Variants in SNX10 observed in about 807,000 individuals in gnomAD.
SNX10 encodes the protein sorting nexin-10.
SNX10 carries 25 observed loss-of-function variants against 28.5 expected under a neutral mutation model. That is an observed-to-expected ratio of 0.88 (90% CI 0.64 to 1.22). The LOEUF is 1.22. SNX10 is among the 50% of genes most tolerant of loss of function. SNX10 has a pLI of 0.00. For missense variants in SNX10, 223 were observed against 242.6 expected, an observed-to-expected ratio of 0.92 and a Z score of 0.54; for synonymous variants, 62 against 81.4, an observed-to-expected ratio of 0.76 and a Z score of 1.28.
intron 2 of SNX10, among the ~76,000 whole-genome samples, chr7:26,359,789 C>G (rs1480725345): frequency 1.3e-5 from 2 of 152,022 alleles, no homozygotes; most frequent in African/African-American, 2.4e-5. Context: ...TCACAAGTAG[C>G]TGGGACTACA....
chr7:26,344,430 A>G (rs1788302027), intron 1 of SNX10, among the ~76,000 whole-genome samples: 1 of 146,856 alleles, frequency 6.8e-6, no homozygotes, highest in African/African-American at 2.6e-5. Context: ...TGGCCTCCCA[A>G]AGTGCTAGGA....
At chr7:26,357,078 A>C in intron 2 of SNX10, 1 of 1,223,082 alleles carries the variant, frequency 8.2e-7, no homozygotes, top group South Asian at 1.4e-5. Context: ...CTTACAAGAC[A>C]GCCTAAGCTG....
chr7:26,359,354 C>T (rs1788973777), intron 2 of SNX10, among the ~76,000 whole-genome samples: 1 of 152,100 alleles, frequency 6.6e-6, no homozygotes, highest in Non-Finnish European at 1.5e-5. Flanking sequence ...TAATTATCTG[C>T]ATGATTCAAT....
intron 1 of SNX10, among the ~76,000 whole-genome samples, chr7:26,328,362 G>A (rs1787586887): frequency 1.3e-5 from 2 of 152,160 alleles, no homozygotes; most frequent in African/African-American, 4.8e-5. Context: ...TGGATGGGCA[G>A]GGAGAAGGTA....
At chr7:26,325,495 G>T (rs568142531) in intron 1 of SNX10, among the ~76,000 whole-genome samples, 2 of 149,640 alleles carry the variant, frequency 1.3e-5, no homozygotes, top group East Asian at 3.9e-4. Flanking sequence ...TATATTTTTG[G>T]TTGTGACGGG....
chr7:26,351,801 T>C (rs989783342), intron 2 of SNX10, among the ~76,000 whole-genome samples: 2 of 151,722 alleles, frequency 1.3e-5, no homozygotes, highest in South Asian at 4.2e-4. Flanking sequence ...GGACTACAGG[T>C]GCCTGCCACC....
intron 1 of SNX10, among the ~76,000 whole-genome samples, chr7:26,318,324 T>G (rs1165462242): frequency 6.6e-6 from 1 of 152,224 alleles, no homozygotes; most frequent in Non-Finnish European, 1.5e-5. Context: ...TTTGTCTCTC[T>G]GGTCTGTGAA....
At chr7:26,294,035 T>G (rs1441755407) in intron 1 of SNX10, among the ~76,000 whole-genome samples, 1 of 152,198 alleles carries the variant, frequency 6.6e-6, no homozygotes, top group Non-Finnish European at 1.5e-5. Flanking sequence ...CCGTTTTTAG[T>G]GACAGGGCTG....
Position 26,321,585 on chromosome 7 carries a change from G to C in SNX10, c.-23-24835G>C, listed in dbSNP as rs764340033. 3.3e-5 allele frequency among the ~76,000 whole-genome samples: 5 copies of C among 152,110 alleles called. No homozygotes were observed. In the South Asian group the frequency reaches 6.2e-4, roughly 19 times the overall value. ...GCCTTGGCCACGTGTTCCTTTCCAG[G>C]TCAGGTGCACTGCAGACTCTGGATG... On this transcript the variant is annotated intron_variant, in intron 1 of 6. Transcript: ENST00000338523.
intron 1 of SNX10, among the ~76,000 whole-genome samples, chr7:26,304,386 C>T (rs1465451991): frequency 1.3e-5 from 2 of 152,206 alleles, no homozygotes; most frequent in African/African-American, 2.4e-5. Flanking sequence ...AGCTTCTGAT[C>T]GAGTCTCTCT....
At chr7:26,304,514 G>T (rs1584092483) in intron 1 of SNX10, among the ~76,000 whole-genome samples, 1 of 152,200 alleles carries the variant, frequency 6.6e-6, no homozygotes, top group East Asian at 1.9e-4. Flanking sequence ...GCTGAGTCTG[G>T]TGGCAGGGCC....
chr7:26,293,167 A>G (rs1785990257), intron 1 of SNX10: 1 of 152,188 alleles, frequency 6.6e-6, no homozygotes. Flanking sequence ...AGGTAGGTAC[A>G]TAGCTGGACC....
At chr7:26,349,899 C>T (rs1264438255) in intron 2 of SNX10, among the ~76,000 whole-genome samples, 1 of 152,254 alleles carries the variant, frequency 6.6e-6, no homozygotes, top group Non-Finnish European at 1.5e-5. Flanking sequence ...TTTGCTCCAG[C>T]TGCACACAGT....
At chr7:26,340,434 C>G (rs1788135805) in intron 1 of SNX10, among the ~76,000 whole-genome samples, 1 of 152,202 alleles carries the variant, frequency 6.6e-6, no homozygotes, top group African/African-American at 2.4e-5. Context: ...CTATCTGACC[C>G]TCTACAGAAA....
At chr7:26,345,524 G>A (rs997068676) in intron 1 of SNX10, among the ~76,000 whole-genome samples, 4 of 152,114 alleles carry the variant, frequency 2.6e-5, no homozygotes, top group Admixed American at 2.0e-4. Flanking sequence ...GGGGTCTCTC[G>A]TCTGCACCTC....
intron 2 of SNX10, among the ~76,000 whole-genome samples, chr7:26,347,734 C>T (rs1490191868): frequency 1.3e-5 from 2 of 152,090 alleles, no homozygotes; most frequent in African/African-American, 4.8e-5. Flanking sequence ...TCTGTAGTTC[C>T]AGCTACTTGG....
intron 1 of SNX10, among the ~76,000 whole-genome samples, chr7:26,314,233 C>A (rs1786971346): frequency 6.6e-6 from 1 of 151,348 alleles, no homozygotes; most frequent in Admixed American, 6.6e-5. Context: ...GTAGTCCATT[C>A]TTGTAAAGGA....
In SNX10 at chr7:26,372,663, C is replaced by A; in HGVS notation, c.*91C>A. On this transcript the variant is annotated 3_prime_UTR_variant, in exon 7 of 7. Coordinates refer to ENST00000338523, the MANE Select transcript of SNX10 (RefSeq NM_013322.3). ...CATAATAATACATTCTTACCTAAAG[C>A]TCACTGTCATGATGTTAGGTATTTA... 2 of 793,648 alleles carry A rather than the reference C, an allele frequency of 2.5e-6. No individual in the cohort carries two copies. Among genetic ancestry groups the A allele is most frequent in the Non-Finnish European group, 4.4e-6 (2 of 451,564 alleles). The allele number at this position is 793,648 out of a possible 1,614,324, so 49.2% of individuals were successfully genotyped here. A position where few individuals can be genotyped will look rare whatever the true frequency, so the allele number is the denominator to read the frequency against.
chr7:26,358,634 G>T (rs1392479379), intron 2 of SNX10, among the ~76,000 whole-genome samples: 1 of 151,896 alleles, frequency 6.6e-6, no homozygotes, highest in Non-Finnish European at 1.5e-5. Context: ...GCTACTGGGG[G>T]CGGGGTTGGC....
Sources: allele counts gnomAD v4.1 joint callset (sites outside exome capture counted in the v4.1 genomes callset), GRCh38; gene constraint gnomAD v4.1.1; transcripts MANE v1.5; gene names NCBI Gene and HGNC (gene_info 2026-07-23, HGNC 2026-07-21).